Variants in CDC73 observed in about 807,000 individuals in gnomAD.
CDC73 encodes cell division cycle 73, also known as parafibromin.
In CDC73, 21 loss-of-function variants were observed where a neutral mutation model predicts 83.7. The observed-to-expected ratio is 0.25, with a 90% CI of 0.18 to 0.36. The LOEUF is 0.36. CDC73 is among the 10% of genes least tolerant of loss of function. The pLI is 1.00. For synonymous variants in CDC73, 224 were observed against 212.9 expected, an observed-to-expected ratio of 1.05 and a Z score of -0.45; for missense variants, 342 against 653.3, an observed-to-expected ratio of 0.52 and a Z score of 5.19.
intron 13 of CDC73, among the ~76,000 whole-genome samples, chr1:193,221,562 A>C: frequency 6.6e-6 from 1 of 152,202 alleles, no homozygotes; most frequent in Admixed American, 6.5e-5. Flanking sequence ...TAAAAAAAAG[A>C]AATTGTCTTT....
chr1:193,128,940 C>T (rs12135670), intron 2 of CDC73, among the ~76,000 whole-genome samples: 6,601 of 151,580 alleles, frequency 0.044, 137 homozygotes, highest in African/African-American at 0.051. Context: ...CTGGGTCTCG[C>T]CTCAGTCTCC....
chr1:193,201,962 A>G (rs539728131), intron 10 of CDC73, among the ~76,000 whole-genome samples: 1 of 152,274 alleles, frequency 6.6e-6, no homozygotes, highest in East Asian at 1.9e-4. Context: ...ATTTGAATCT[A>G]GCCAGACTCA....
chr1:193,204,184 C>T (rs571795930), intron 11 of CDC73, among the ~76,000 whole-genome samples: 31 of 134,582 alleles, frequency 2.3e-4, no homozygotes, highest in African/African-American at 7.7e-4. Flanking sequence ...TATATATATA[C>T]ACACACACAC....
chr1:193,124,980 A>T, intron 1 of CDC73, 132 bp from the exon 2 acceptor site: 1 of 686,160 alleles, frequency 1.5e-6, no homozygotes, highest in East Asian at 2.7e-5. Flanking sequence ...ATTCATTATT[A>T]GATTTTATAC....
chr1:193,181,371 G>T, intron 10 of CDC73: 1 of 1,614,048 alleles, frequency 6.2e-7, no homozygotes, highest in Non-Finnish European at 8.5e-7. Flanking sequence ...GAAATCCTCG[G>T]AAAGTGTATG....
At chr1:193,124,561 A>G (rs1675529575) in intron 1 of CDC73, among the ~76,000 whole-genome samples, 1 of 152,188 alleles carries the variant, frequency 6.6e-6, no homozygotes, top group South Asian at 2.1e-4. Context: ...CCGTTAGTAG[A>G]CTACATTGTT....
At chr1:193,183,593 A>G (rs1258789373) in intron 10 of CDC73, among the ~76,000 whole-genome samples, 1 of 151,304 alleles carries the variant, frequency 6.6e-6, no homozygotes, top group African/African-American at 2.4e-5. Flanking sequence ...TGTACTTTTA[A>G]ATAGCTGGCC....
intron 7 of CDC73, among the ~76,000 whole-genome samples, chr1:193,144,985 A>C (rs986980831): frequency 1.3e-5 from 2 of 152,190 alleles, no homozygotes; most frequent in African/African-American, 4.8e-5. Context: ...TTTTCCACCC[A>C]TAAGTAAAGA....
intron 10 of CDC73, among the ~76,000 whole-genome samples, chr1:193,191,910 A>C (rs531199786): frequency 6.6e-6 from 1 of 152,212 alleles, no homozygotes; most frequent in East Asian, 1.9e-4. Context: ...CCTTTGAATA[A>C]ATTATTTCAG....
intron 13 of CDC73, among the ~76,000 whole-genome samples, chr1:193,224,183 C>T (rs1027238404): frequency 6.6e-6 from 1 of 152,022 alleles, no homozygotes; most frequent in African/African-American, 2.4e-5. Flanking sequence ...AACTACCAGA[C>T]TACTCACTTC....
At chr1:193,132,543 G>A (rs1249546239) in intron 3 of CDC73, among the ~76,000 whole-genome samples, 1 of 151,932 alleles carries the variant, frequency 6.6e-6, no homozygotes, top group Non-Finnish European at 1.5e-5. Context: ...GAACTCTTGG[G>A]CTCAAGCAGT....
chr1:193,221,299 AC>A (rs1207833643), intron 13 of CDC73, among the ~76,000 whole-genome samples: 1 of 152,148 alleles, frequency 6.6e-6, no homozygotes, highest in African/African-American at 2.4e-5. Context: ...AAATTGAAAT[AC>A]CTTTTTTGAT....
chr1:193,252,971 G>T lies in CDC73; in HGVS notation c.*2259G>T, dbSNP rs939762446. ...ACAGAATTACAGGGAATGAAGAGAG[G>T]TATAAGTAGATATTTTAATGGAAAT... On this transcript the variant is annotated 3_prime_UTR_variant, in exon 17 of 17. Transcript: ENST00000367435. 3 of 231,548 alleles carry T rather than the reference G, an allele frequency of 1.3e-5. No individual in the cohort carries two copies. The highest frequency in any genetic ancestry group is 2.2e-5 in the African/African-American group (1 of 45,216). 14.3% of individuals were successfully genotyped at this position (231,548 alleles called of 1,614,324 possible).
intron 10 of CDC73, among the ~76,000 whole-genome samples, chr1:193,178,100 T>A (rs1441770979): frequency 6.6e-6 from 1 of 152,176 alleles, no homozygotes; most frequent in Non-Finnish European, 1.5e-5. Context: ...ATATACACTA[T>A]CAGCTTATTT....
intron 10 of CDC73, among the ~76,000 whole-genome samples, chr1:193,202,387 C>G (rs1677106421): frequency 6.6e-6 from 1 of 150,676 alleles, no homozygotes; most frequent in African/African-American, 2.4e-5. Context: ...TTGATATGCT[C>G]TCCACCTTAT....
chr1:193,174,658 G>A (rs1209748816), intron 10 of CDC73, among the ~76,000 whole-genome samples: 2 of 152,020 alleles, frequency 1.3e-5, no homozygotes, highest in African/African-American at 4.8e-5. Flanking sequence ...CATTGTTCCT[G>A]GCGAATCAGA....
rs1675543660 is a variant in CDC73, at chr1:193,125,224, A to G, written c.237+7A>G. The G allele has an allele frequency of 1.2e-5, 17 of 1,460,038 alleles. No homozygotes were observed. Among genetic ancestry groups the G allele is most frequent in the Non-Finnish European group, 1.5e-5 (16 of 1,039,980 alleles). The allele number at this position is 1,460,038 out of a possible 1,614,324, so 90.4% of individuals were successfully genotyped here. The stretch of plus-strand genomic sequence containing the variant: ...TTATGTCCGACGTGCAGCTGTAAGT[A>G]GAATTCATTTTACTTATCTATCTAT... On this transcript the variant is annotated splice_region_variant and intron_variant, in intron 2 of 16. Transcript: ENST00000367435.
At chr1:193,231,717 CATT>C (rs1677665945) in intron 13 of CDC73, among the ~76,000 whole-genome samples, 1 of 152,138 alleles carries the variant, frequency 6.6e-6, no homozygotes, top group African/African-American at 2.4e-5. Flanking sequence ...TCAGTATCAT[CATT>C]ATCACCATGA....
chr1:193,243,486 A>C (rs1318120122), intron 15 of CDC73, among the ~76,000 whole-genome samples: 1 of 152,206 alleles, frequency 6.6e-6, no homozygotes, highest in Non-Finnish European at 1.5e-5. Flanking sequence ...AATAAAGATG[A>C]AATCTGTTGA....
Sources: gnomAD v4.1 joint callset for allele counts (sites outside exome capture counted in the v4.1 genomes callset) on GRCh38, gnomAD v4.1.1 for gene constraint, MANE v1.5 for transcripts, NCBI Gene and HGNC (gene_info 2026-07-23, HGNC 2026-07-21) for gene names.